NEB: variants seen among roughly 807,000 people sequenced by gnomAD.
NEB encodes nebulin.
Under a neutral mutation model 952.2 loss-of-function variants are expected in NEB, and 512 were observed. That is an observed-to-expected ratio of 0.54 (90% CI 0.50 to 0.58). The LOEUF (loss-of-function observed/expected upper bound fraction) is 0.58. NEB is among the 20% of genes least tolerant of loss of function. The probability of loss-of-function intolerance (pLI) is 0.00; values close to 1 mark genes in which losing one functional copy is unlikely to be tolerated. For synonymous variants in NEB, 2,900 were observed against 3,149.8 expected (o/e 0.92, Z 2.66); for missense variants, 8,428 against 9,231.1 (o/e 0.91, Z 3.56).
intron 43 of NEB, 49 bp from the exon 44 acceptor site, chr2:151,664,657 A>G (rs1558995777): frequency 6.5e-7 from 1 of 1,546,270 alleles, no homozygotes; most frequent in East Asian, 2.3e-5. Context: ...TGGGGTTAGA[A>G]TAGAGGTCCT....
intron 138 of NEB, among the ~76,000 whole-genome samples, chr2:151,538,924 G>C (rs1274833439): frequency 6.6e-6 from 1 of 152,108 alleles, no homozygotes; most frequent in Non-Finnish European, 1.5e-5. Context: ...TTTTCTTTTG[G>C]GGTTAACTGA....
intron 47 of NEB, among the ~76,000 whole-genome samples, 190 bp downstream of exon 47, chr2:151,658,875 G>A (rs1263621395): frequency 1.3e-5 from 2 of 151,982 alleles, no homozygotes; most frequent in South Asian, 2.1e-4. Context: ...ATTCTTAACT[G>A]CTTGGCCCAA....
intron 164 of NEB, among the ~76,000 whole-genome samples, 179 bp from the exon 165 acceptor site, chr2:151,505,749 C>G (rs1423124226): frequency 3.9e-5 from 6 of 152,146 alleles, no homozygotes; most frequent in Non-Finnish European, 1.5e-5. Flanking sequence ...GAGAACAATT[C>G]CAAGGACAGG....
At chr2:151,551,207 G>A (rs188969310) in intron 129 of NEB, among the ~76,000 whole-genome samples, 102 of 151,768 alleles carry the variant, frequency 6.7e-4, no homozygotes, top group African/African-American at 2.1e-3. Context: ...GACCTCAGGT[G>A]ATCTGCCCGC....
At chr2:151,654,920 C>T (rs1362828202) in intron 51 of NEB, among the ~76,000 whole-genome samples, 1 of 152,188 alleles carries the variant, frequency 6.6e-6, no homozygotes, top group Non-Finnish European at 1.5e-5. Flanking sequence ...CTTCAGAGCT[C>T]AAGGGATCCT....
At chr2:151,667,447 G>T (rs2099233447) in intron 40 of NEB, among the ~76,000 whole-genome samples, 1 of 151,916 alleles carries the variant, frequency 6.6e-6, no homozygotes, top group Non-Finnish European at 1.5e-5. Context: ...AACGTAATTG[G>T]CAATTAGGAT....
At chr2:151,659,853 T>C (rs2099127073) in intron 46 of NEB, among the ~76,000 whole-genome samples, 1 of 152,186 alleles carries the variant, frequency 6.6e-6, no homozygotes, top group South Asian at 2.1e-4. Flanking sequence ...TTTACTTCAT[T>C]CATTTTTAGA....
intron 175 of NEB, 57 bp downstream of exon 175, chr2:151,493,718 A>G (rs1398059815): frequency 3.9e-6 from 5 of 1,293,854 alleles, no homozygotes; most frequent in Non-Finnish European, 5.4e-6. Flanking sequence ...TAGTGGTACA[A>G]CCATGTTTGC....
At chr2:151,639,501 T>C (rs2098820837) in intron 62 of NEB, 117 bp from the exon 63 acceptor site, 2 of 698,470 alleles carry the variant, frequency 2.9e-6, no homozygotes, top group East Asian at 5.6e-5. Flanking sequence ...TTTATACACA[T>C]TATGTGTTTT....
At chr2:151,623,295 ATG>A (rs924310133) in intron 71 of NEB, among the ~76,000 whole-genome samples, 3 of 152,194 alleles carry the variant, frequency 2.0e-5, no homozygotes, top group Non-Finnish European at 4.4e-5. Context: ...TTTAGAAATA[ATG>A]CATGGCTTTA....
chr2:151,523,051 C>T (rs2083053988), intron 153 of NEB, among the ~76,000 whole-genome samples: 1 of 152,136 alleles, frequency 6.6e-6, no homozygotes, highest in South Asian at 2.1e-4. Flanking sequence ...ATAAAGTTTT[C>T]AAAATTTCAA....
rs755335251 is a variant in NEB, at chr2:151,567,378, C to G, written c.17946G>C (p.Gln5982His). The G allele has an allele frequency of 6.2e-7, 1 of 1,613,862 alleles. No homozygotes were observed. The highest frequency in any genetic ancestry group is 1.1e-5 in the South Asian group (1 of 91,076). ...PKLVWFEHAG[Q>H]IQNERLYKED... ...CTTTGTATAGTCTCTCATTCTGAAT[C>G]TGGCCTGCATGCTCAAACCAAACCA... Residue 5982 changes from glutamine to histidine, a missense_variant, in exon 114 of 182, where the codon CAG becomes CAC. Gln to His is a conservative substitution (Grantham distance 24, BLOSUM62 0). Coordinates refer to ENST00000397345, the MANE Select transcript of NEB (RefSeq NM_001164508.2).
At chr2:151,702,361 C>G (rs559391024) in intron 13 of NEB, among the ~76,000 whole-genome samples, 1 of 152,044 alleles carries the variant, frequency 6.6e-6, no homozygotes, top group African/African-American at 2.4e-5. Flanking sequence ...GGGTGGAGAG[C>G]TCTGTAGATG....
intron 46 of NEB, among the ~76,000 whole-genome samples, 200 bp downstream of exon 46, chr2:151,661,935 T>A (rs1049215683): frequency 2.0e-5 from 3 of 152,150 alleles, no homozygotes; most frequent in Non-Finnish European, 4.4e-5. Flanking sequence ...TGAGATAGGA[T>A]GGTTCATTGA....
chr2:151,617,512 T>G, intron 74 of NEB, 44 bp from the exon 75 acceptor site: 1 of 1,259,388 alleles, frequency 7.9e-7, no homozygotes, highest in Non-Finnish European at 1.1e-6. Flanking sequence ...AGAAAAATTA[T>G]TTTGGTGTTC....
chr2:151,719,886 CAA>C (rs34116466), intron 9 of NEB, among the ~76,000 whole-genome samples: 10 of 103,588 alleles, frequency 9.7e-5, no homozygotes, highest in African/African-American at 1.6e-4. Flanking sequence ...GACCCTGTCT[CAA>C]AAAAAAAAAA....
At chr2:151,564,689 A>G (rs1298696586) in intron 117 of NEB, among the ~76,000 whole-genome samples, 2 of 152,038 alleles carry the variant, frequency 1.3e-5, no homozygotes, top group Admixed American at 6.6e-5. Flanking sequence ...CCTTTTCTCT[A>G]TTGGTAGGTG....
At chr2:151,698,910 G>A (rs2149432893) in intron 13 of NEB, among the ~76,000 whole-genome samples, 1 of 145,160 alleles carries the variant, frequency 6.9e-6, no homozygotes, top group South Asian at 2.2e-4. Flanking sequence ...GGGTACATGT[G>A]CACATTGTGC....
At position 151,513,521 on chromosome 2, in the gene NEB, T is replaced by C. The variant is rs1575707930; in HGVS notation, c.23241+59A>G. Reference sequence around the variant, plus strand: ...TAAATCAGATGACAGAGGGACACTTTATGTCCTTAAAGTTACAACTACTTT... The same window carrying C: ...TAAATCAGATGACAGAGGGACACTTCATGTCCTTAAAGTTACAACTACTTT... On this transcript the variant is annotated intron_variant, in intron 160 of 181. Transcript: ENST00000397345. 3.2e-6 allele frequency: 4 copies of C among 1,246,948 alleles called. No homozygotes were observed. In the South Asian group the frequency reaches 3.9e-5, roughly 12 times the overall value. 77.2% of individuals were successfully genotyped at this position (1,246,948 alleles called of 1,614,324 possible).
Sources: allele counts gnomAD v4.1 joint callset (sites outside exome capture counted in the v4.1 genomes callset), GRCh38; gene constraint gnomAD v4.1.1; transcripts MANE v1.5; gene names NCBI Gene and HGNC (gene_info 2026-07-23, HGNC 2026-07-21).